The following FARS2 variants were observed in gnomAD, a reference collection of about 807,000 sequenced individuals.
FARS2 encodes phenylalanyl-tRNA synthetase 2, mitochondrial, also known as phenylalanine--tRNA ligase, mitochondrial.
Under a neutral mutation model 46.4 loss-of-function variants are expected in FARS2, and 40 were observed. That is an observed-to-expected ratio of 0.86 (90% CI 0.67 to 1.12). FARS2 has a LOEUF of 1.12. FARS2 is among the 50% of genes most tolerant of loss of function. FARS2 has a pLI of 0.00. For synonymous variants in FARS2, 234 were observed against 214.9 expected, an observed-to-expected ratio of 1.09 and a Z score of -0.78; for missense variants, 513 against 567.9, an observed-to-expected ratio of 0.90 and a Z score of 0.98.
At chr6:5,361,505 C>T (rs573858149) in intron 1 of FARS2, among the ~76,000 whole-genome samples, 44 of 152,290 alleles carry the variant, frequency 2.9e-4, no homozygotes, top group African/African-American at 4.1e-4. Context: ...AGAAAGGTTG[C>T]GCCAATGACA....
chr6:5,395,487 GTTAT>G (rs767449898), intron 2 of FARS2, among the ~76,000 whole-genome samples: 11 of 152,142 alleles, frequency 7.2e-5, no homozygotes, highest in Non-Finnish European at 4.4e-5. Flanking sequence ...GCCCTGATCA[GTTAT>G]TTATATTTTT....
At chr6:5,299,830 CA>C (rs754677782) in intron 1 of FARS2, among the ~76,000 whole-genome samples, 2 of 151,968 alleles carry the variant, frequency 1.3e-5, no homozygotes, top group Admixed American at 1.3e-4. Flanking sequence ...TGATGGTTTC[CA>C]GCTAAAGGAC....
At chr6:5,285,241 G>C (rs1157210478) in intron 1 of FARS2, among the ~76,000 whole-genome samples, 1 of 152,152 alleles carries the variant, frequency 6.6e-6, no homozygotes, top group East Asian at 1.9e-4. Flanking sequence ...AGTGACGGAA[G>C]AGGCCAAAGG....
chr6:5,399,174 TATC>T (rs750807750), intron 2 of FARS2, among the ~76,000 whole-genome samples: 6,379 of 66,964 alleles, frequency 0.095, 291 homozygotes, highest in East Asian at 0.39. Flanking sequence ...TTATTATTAT[TATC>T]ATCATCATCA....
intron 4 of FARS2, among the ~76,000 whole-genome samples, chr6:5,515,790 T>A (rs1252599652): frequency 6.6e-6 from 1 of 152,176 alleles, no homozygotes. Context: ...TTAATCAGGT[T>A]TTATACCTGA....
chr6:5,599,765 A>T (rs1474937352), intron 5 of FARS2, among the ~76,000 whole-genome samples: 1 of 152,192 alleles, frequency 6.6e-6, no homozygotes, highest in African/African-American at 2.4e-5. Context: ...ACCTGGCCAG[A>T]TGTTCAAAGG....
At chr6:5,679,518 A>G (rs548959114) in intron 6 of FARS2, among the ~76,000 whole-genome samples, 4 of 152,220 alleles carry the variant, frequency 2.6e-5, no homozygotes, top group African/African-American at 9.6e-5. Flanking sequence ...CCCCTCTGTC[A>G]ACACTCCCTG....
At chr6:5,451,001 C>A (rs539697211) in intron 4 of FARS2, among the ~76,000 whole-genome samples, 1 of 152,276 alleles carries the variant, frequency 6.6e-6, no homozygotes, top group East Asian at 1.9e-4. Flanking sequence ...GCTCCACTGA[C>A]AGGAATCTAG....
intron 6 of FARS2, among the ~76,000 whole-genome samples, chr6:5,734,690 A>G (rs1277353076): frequency 6.6e-6 from 1 of 152,234 alleles, no homozygotes; most frequent in Non-Finnish European, 1.5e-5. Flanking sequence ...TAGGCATTAT[A>G]TTATATTCAT....
chr6:5,298,526 C>T lies in FARS2; in HGVS notation c.-22+36866C>T, dbSNP rs577845768. On this transcript the variant is annotated intron_variant, in intron 1 of 6. Transcript: ENST00000274680. Reference sequence around the variant, plus strand: ...ATTTGGAAGGTATCTTTAGACTAATCTCTAATTCGGTGGTTCCCAGCTATG... The same window carrying T: ...ATTTGGAAGGTATCTTTAGACTAATTTCTAATTCGGTGGTTCCCAGCTATG... Among the ~76,000 whole-genome samples the T allele has an allele frequency of 3.9e-5, 6 of 152,330 alleles. No individual in the cohort carries two copies. In the East Asian group the frequency reaches 9.7e-4, roughly 25 times the overall value.
chr6:5,741,837 A>T (rs1042677120), intron 6 of FARS2, among the ~76,000 whole-genome samples: 3 of 152,090 alleles, frequency 2.0e-5, no homozygotes, highest in African/African-American at 7.2e-5. Context: ...TTTTTAGTAG[A>T]GACAGGGTTT....
At chr6:5,384,191 A>G (rs1759974073) in intron 2 of FARS2, among the ~76,000 whole-genome samples, 1 of 152,150 alleles carries the variant, frequency 6.6e-6, no homozygotes, top group African/African-American at 2.4e-5. Flanking sequence ...ACGGATTGAA[A>G]TTTCTGATTC....
rs757442324 is a variant in FARS2, at chr6:5,545,263, C to A, written c.988C>A (p.Arg330Ser). The change falls in exon 5 of 7, where the codon CGT becomes AGT. Residue 330 changes from arginine (R) to serine (S), a missense_variant. Arg to Ser is a moderately radical substitution (Grantham distance 110). Coordinates refer to ENST00000274680, the MANE Select transcript of FARS2 (RefSeq NM_006567.5). Reference sequence around the variant, plus strand: ...GATCCTCTACGACATCCCTGATATCCGTCTCTTCTGGTGTGAGGACGAGCG... The same window carrying A: ...GATCCTCTACGACATCCCTGATATCAGTCTCTTCTGGTGTGAGGACGAGCG... Reference protein sequence around the residue: ...AMILYDIPDIRLFWCEDERFL... With the variant: ...AMILYDIPDISLFWCEDERFL... The A allele has an allele frequency of 4.3e-5, 70 of 1,614,018 alleles. No individual in the cohort carries two copies. Among genetic ancestry groups the A allele is most frequent in the Non-Finnish European group, 5.9e-5 (70 of 1,179,902 alleles).
At chr6:5,660,985 T>A (rs1777827778) in intron 6 of FARS2, among the ~76,000 whole-genome samples, 2 of 152,260 alleles carry the variant, frequency 1.3e-5, no homozygotes, top group Non-Finnish European at 2.9e-5. Flanking sequence ...AACATGACTC[T>A]GGCTGCTTTG....
At chr6:5,483,226 G>A (rs1766577398) in intron 4 of FARS2, among the ~76,000 whole-genome samples, 1 of 152,074 alleles carries the variant, frequency 6.6e-6, no homozygotes, top group Admixed American at 6.6e-5. Flanking sequence ...CACCTTTATC[G>A]TAGCTTTTCT....
At chr6:5,407,602 G>T (rs1215678548) in intron 3 of FARS2, among the ~76,000 whole-genome samples, 2 of 147,190 alleles carry the variant, frequency 1.4e-5, no homozygotes, top group Non-Finnish European at 1.5e-5. Context: ...GATTTATAAT[G>T]TTTTTTTTTT....
In FARS2 at chr6:5,684,100, C is replaced by T. The variant is rs117614207; in HGVS notation, c.1217+70780C>T. ...GAGATTATAACTTTCCCCCTCAGAA[C>T]GCGGTTTCTTGTATACCTGCCCGGC... On this transcript the variant is annotated intron_variant, in intron 6 of 6. Transcript: ENST00000274680. 1.1e-3 allele frequency among the ~76,000 whole-genome samples: 175 copies of T among 152,278 alleles called. 7 individuals carry two copies. In the East Asian group the frequency reaches 0.031, roughly 27 times the overall value.
chr6:5,735,644 T>C (rs547329328), intron 6 of FARS2, among the ~76,000 whole-genome samples: 74 of 152,370 alleles, frequency 4.9e-4, no homozygotes, highest in African/African-American at 1.7e-3. Context: ...AAGAATTCTT[T>C]ATCTTTCGCC....
At chr6:5,347,194 G>A (rs1378406872) in intron 1 of FARS2, among the ~76,000 whole-genome samples, 1 of 152,176 alleles carries the variant, frequency 6.6e-6, no homozygotes, top group Non-Finnish European at 1.5e-5. Flanking sequence ...GATTACAGGC[G>A]TGAGCCAGTG....
Sources: gnomAD v4.1 joint callset for allele counts (sites outside exome capture counted in the v4.1 genomes callset) on GRCh38, gnomAD v4.1.1 for gene constraint, MANE v1.5 for transcripts, NCBI Gene and HGNC (gene_info 2026-07-23, HGNC 2026-07-21) for gene names.